SORCS2: variants seen among roughly 807,000 people sequenced by gnomAD.
SORCS2 encodes sortilin related VPS10 domain containing receptor 2, also known as VPS10 domain-containing receptor SorCS2.
A neutral mutation model predicts 141.6 loss-of-function variants in SORCS2; 100 were observed. That is an observed-to-expected ratio of 0.71 (90% confidence interval 0.60 to 0.83). SORCS2 has a LOEUF of 0.83. Ranked by LOEUF, SORCS2 falls within the 40% of genes least tolerant of loss-of-function variation. The pLI is 0.00. For missense variants in SORCS2, 1,646 were observed against 1,560.2 expected (o/e 1.05, Z -0.93); for synonymous variants, 789 against 676.9 (o/e 1.17, Z -2.57).
intron 2 of SORCS2, among the ~76,000 whole-genome samples, chr4:7,491,343 C>A (rs1344656479): frequency 6.6e-6 from 1 of 152,222 alleles, no homozygotes; most frequent in Non-Finnish European, 1.5e-5. Flanking sequence ...TGGGCTGGGG[C>A]ACCCCACCCC....
chr4:7,207,631 G>A (rs1412584331), intron 1 of SORCS2, among the ~76,000 whole-genome samples: 2 of 152,226 alleles, frequency 1.3e-5, no homozygotes, highest in East Asian at 1.9e-4. Flanking sequence ...GTCTAGCGAT[G>A]CAGGAGCGAG....
At chr4:7,202,290 C>A (rs1337911350) in intron 1 of SORCS2, among the ~76,000 whole-genome samples, 1 of 152,066 alleles carries the variant, frequency 6.6e-6, no homozygotes, top group Non-Finnish European at 1.5e-5. Flanking sequence ...CACCTCTATT[C>A]CAATTAAGCT....
intron 1 of SORCS2, among the ~76,000 whole-genome samples, chr4:7,220,190 G>A (rs1728618873): frequency 6.6e-6 from 1 of 152,058 alleles, no homozygotes; most frequent in South Asian, 2.1e-4. Flanking sequence ...GCCCTGCACT[G>A]AGGGAGCCAG....
intron 1 of SORCS2, among the ~76,000 whole-genome samples, chr4:7,226,716 G>A (rs116505930): frequency 0.023 from 3,422 of 151,968 alleles, 53 homozygotes; most frequent in Middle Eastern, 0.056. Context: ...GCGGCGGCTC[G>A]GTGTGGAGCT....
chr4:7,730,902 CAGA>C (rs1438556155), intron 23 of SORCS2, among the ~76,000 whole-genome samples: 5 of 152,222 alleles, frequency 3.3e-5, no homozygotes, highest in Non-Finnish European at 7.3e-5. Context: ...AAAAATGAAC[CAGA>C]AGCTCACATA....
At chr4:7,628,519 G>GA (rs11461925) in intron 3 of SORCS2, among the ~76,000 whole-genome samples, 36,223 of 135,204 alleles carry the variant, frequency 0.27, 4,874 homozygotes, top group Middle Eastern at 0.32. Flanking sequence ...ACTCCGTCTC[G>GA]AAAAAAAAAA....
intron 14 of SORCS2, among the ~76,000 whole-genome samples, chr4:7,710,816 G>A (rs1725785105): frequency 6.6e-6 from 1 of 152,246 alleles, no homozygotes; most frequent in African/African-American, 2.4e-5. Flanking sequence ...GCCTTCCCCT[G>A]TCCTTGGTGG....
intron 5 of SORCS2, among the ~76,000 whole-genome samples, chr4:7,658,675 G>A (rs189547896): frequency 2.0e-5 from 3 of 152,322 alleles, no homozygotes; most frequent in Admixed American, 2.0e-4. Flanking sequence ...CACATATGTG[G>A]GGTCTGTGCC....
At chr4:7,544,219 C>T (rs1419491335) in intron 3 of SORCS2, among the ~76,000 whole-genome samples, 1 of 152,234 alleles carries the variant, frequency 6.6e-6, no homozygotes, top group Non-Finnish European at 1.5e-5. Context: ...ATTCATCATG[C>T]ATCAACTTAT....
intron 9 of SORCS2, among the ~76,000 whole-genome samples, chr4:7,678,857 A>C (rs1269287612): frequency 6.6e-6 from 1 of 152,216 alleles, no homozygotes; most frequent in East Asian, 1.9e-4. Flanking sequence ...GTGTGGCCGT[A>C]GGTGGGTTTC....
At chr4:7,625,812 G>C (rs751867973) in intron 3 of SORCS2, among the ~76,000 whole-genome samples, 1 of 151,916 alleles carries the variant, frequency 6.6e-6, no homozygotes, top group Non-Finnish European at 1.5e-5. Context: ...GGAGGAAGGA[G>C]GGGAGGAGAG....
At chr4:7,218,534 A>T (rs1260834335) in intron 1 of SORCS2, among the ~76,000 whole-genome samples, 1 of 152,242 alleles carries the variant, frequency 6.6e-6, no homozygotes, top group Non-Finnish European at 1.5e-5. Flanking sequence ...AAAGGCATTT[A>T]AAAAATGATT....
chr4:7,317,324 T>C (rs1434042282), intron 1 of SORCS2, among the ~76,000 whole-genome samples: 4 of 152,158 alleles, frequency 2.6e-5, no homozygotes, highest in Non-Finnish European at 4.4e-5. Context: ...AATAAGGAGC[T>C]GACAGGGCCT....
At chr4:7,298,009 C>T (rs1448859617) in intron 1 of SORCS2, among the ~76,000 whole-genome samples, 2 of 152,242 alleles carry the variant, frequency 1.3e-5, no homozygotes, top group Non-Finnish European at 2.9e-5. Flanking sequence ...CCCTGCTGGC[C>T]TGAGCTTGTT....
chr4:7,673,628 C>G (rs1369208521), intron 8 of SORCS2, among the ~76,000 whole-genome samples: 1 of 152,146 alleles, frequency 6.6e-6, no homozygotes, highest in African/African-American at 2.4e-5. Context: ...CGAGGTCTCT[C>G]TAGGGGGCAC....
intron 2 of SORCS2, among the ~76,000 whole-genome samples, chr4:7,500,980 G>T (rs4493531): frequency 6.6e-6 from 1 of 152,136 alleles, no homozygotes; most frequent in Non-Finnish European, 1.5e-5. Context: ...TCAAGCCAGC[G>T]TGGATCCAGC....
At chr4:7,533,986 T>C (rs757543598) in intron 3 of SORCS2, among the ~76,000 whole-genome samples, 3 of 152,122 alleles carry the variant, frequency 2.0e-5, no homozygotes, top group Non-Finnish European at 4.4e-5. Context: ...CGGGGAGGTA[T>C]CTGCAGTCTT....
chr4:7,218,333 G>A lies in SORCS2; in HGVS notation c.480+25207G>A, dbSNP rs922619792. Among the ~76,000 whole-genome samples the A allele has an allele frequency of 3.9e-5, 6 of 152,218 alleles. No homozygotes were observed. The South Asian group carries it at 1.2e-3, about 32-fold the overall frequency. On this transcript the variant is annotated intron_variant, in intron 1 of 26. Coordinates refer to ENST00000507866, the MANE Select transcript of SORCS2 (RefSeq NM_020777.3). Reference sequence around the variant, plus strand: ...CCTCGATCACTTCAAGAATGGCCTCGGTAGCCATAAAGGAAATTAGTTTCA... The same window carrying A: ...CCTCGATCACTTCAAGAATGGCCTCAGTAGCCATAAAGGAAATTAGTTTCA...
chr4:7,499,282 C>T (rs73212584), intron 2 of SORCS2, among the ~76,000 whole-genome samples: 1,564 of 152,276 alleles, frequency 0.01, 10 homozygotes, highest in Non-Finnish European at 0.017. Flanking sequence ...GACAGTGAGA[C>T]GAAGCCGGAC....
Sources: allele counts gnomAD v4.1 joint callset (sites outside exome capture counted in the v4.1 genomes callset), GRCh38; gene constraint gnomAD v4.1.1; transcripts MANE v1.5; gene names NCBI Gene and HGNC (gene_info 2026-07-23, HGNC 2026-07-21).